POC1B: variants seen among roughly 807,000 people sequenced by gnomAD.
The protein encoded by POC1B is POC1 centriolar protein homolog B.
In POC1B, 44 loss-of-function variants were observed where a neutral mutation model predicts 60.6. The observed-to-expected ratio is 0.73, with a 90% CI of 0.57 to 0.93. The LOEUF (loss-of-function observed/expected upper bound fraction) is 0.93. Among genes scored for constraint, POC1B ranks in the 40% least tolerant of loss-of-function variants. The probability of loss-of-function intolerance (pLI) is 0.00; values close to 1 mark genes in which losing one functional copy is unlikely to be tolerated. For synonymous variants in POC1B, 180 were observed against 198.9 expected (o/e 0.90, Z 0.80); for missense variants, 555 against 572.3 (o/e 0.97, Z 0.31).
At chr12:89,480,892 G>A (rs1056140270) in intron 4 of POC1B, among the ~76,000 whole-genome samples, 3 of 152,038 alleles carry the variant, frequency 2.0e-5, no homozygotes, top group Non-Finnish European at 4.4e-5. Flanking sequence ...GAGCCACCAC[G>A]CCCAGCCTAA....
At chr12:89,522,424 T>A in intron 2 of POC1B, 1 of 370,894 alleles carries the variant, frequency 2.7e-6, no homozygotes, top group Non-Finnish European at 4.8e-6. Flanking sequence ...TCATGAGTTT[T>A]GTTAAAAAGT....
At chr12:89,407,564 T>C in the POC1B span, among the ~76,000 whole-genome samples, 5 of 152,170 alleles carry the variant, frequency 3.3e-5, no homozygotes, top group East Asian at 3.9e-4. Context: ...TATTTAAATA[T>C]TGGCACCTAA....
At chr12:89,505,959 G>A (rs1869875464) in intron 2 of POC1B, among the ~76,000 whole-genome samples, 2 of 152,196 alleles carry the variant, frequency 1.3e-5, no homozygotes, top group South Asian at 4.1e-4. Context: ...GAGAGAAAAA[G>A]AGAAGATGCT....
chr12:89,415,605 T>C (rs965359485), downstream of POC1B, among the ~76,000 whole-genome samples: 5 of 150,636 alleles, frequency 3.3e-5, no homozygotes, highest in South Asian at 2.1e-4. Flanking sequence ...ATCGCGCCAC[T>C]GCACTCCAGC....
intron 4 of POC1B, among the ~76,000 whole-genome samples, chr12:89,473,666 G>GAAAAA (rs1163868772): frequency 3.2e-3 from 346 of 109,080 alleles, no homozygotes; most frequent in Admixed American, 3.4e-3. Flanking sequence ...CCTCAGAAAA[G>GAAAAA]AAAAAAAAAA....
chr12:89,525,736 G>A (rs1391930431), intron 1 of POC1B, 145 bp downstream of exon 1: 4 of 1,287,022 alleles, frequency 3.1e-6, no homozygotes, highest in Admixed American at 6.9e-5. Context: ...GTGAGATACG[G>A]ACGCCCCGGG....
intron 11 of POC1B, 85 bp from the exon 12 acceptor site, chr12:89,421,342 T>C: frequency 1.7e-6 from 2 of 1,160,720 alleles, no homozygotes; most frequent in East Asian, 5.2e-5. Context: ...GAAATCCTTT[T>C]AAGAACTGGG....
chr12:89,456,213 G>T (rs1168484995), intron 10 of POC1B, among the ~76,000 whole-genome samples: 3 of 152,138 alleles, frequency 2.0e-5, no homozygotes, highest in Non-Finnish European at 4.4e-5. Context: ...TAGAGGAGGG[G>T]TTTTGTCACA....
intron 10 of POC1B, among the ~76,000 whole-genome samples, chr12:89,449,507 A>G (rs1408404129): frequency 6.6e-6 from 1 of 152,190 alleles, no homozygotes; most frequent in East Asian, 1.9e-4. Flanking sequence ...ACAATAAATA[A>G]ATGAAAGAAA....
chr12:89,418,648 G>A (rs777364083), downstream of POC1B, among the ~76,000 whole-genome samples: 3 of 152,160 alleles, frequency 2.0e-5, no homozygotes, highest in Non-Finnish European at 4.4e-5. Flanking sequence ...GAAGTAGAGA[G>A]TGAGTTCTCA....
rs911441170 is a variant in POC1B at position 89,448,608 on chromosome 12, G to A, written c.1113+11030C>T. 3.3e-5 allele frequency among the ~76,000 whole-genome samples: 5 copies of A among 152,294 alleles called. No individual in the cohort carries two copies. In the Middle Eastern group the frequency reaches 0.01, roughly 311 times the overall value. ...ACAAAGCCCTGCCAAGGGAGGTAAA[G>A]CCATTACATCATTATGAAAGAGAGT... On this transcript the variant is annotated intron_variant, in intron 10 of 11. Transcript: ENST00000313546.
rs767197083 is a variant in POC1B at position 89,471,719 on chromosome 12, A to C, written c.571T>G (p.Phe191Val). The C allele has an allele frequency of 1.3e-6, 2 of 1,579,894 alleles. No individual in the cohort carries two copies. Among genetic ancestry groups the C allele is most frequent in the Admixed American group, 3.8e-5 (2 of 52,278 alleles). The change falls in exon 6 of 12, where the codon TTT becomes GTT. Residue 191 changes from phenylalanine (F) to valine (V), a missense_variant. Coordinates refer to ENST00000313546, the MANE Select transcript of POC1B (RefSeq NM_172240.3). ...NFSDSVGFAN[F>V]VDFNPSGTCI... ...GTACCACTAGGGTTAAAGTCCACAAAATTTGCAAATCTAGGAGGAAAGAAT... is the reference window on the plus strand; with the variant it reads ...GTACCACTAGGGTTAAAGTCCACAACATTTGCAAATCTAGGAGGAAAGAAT...
intron 2 of POC1B, among the ~76,000 whole-genome samples, chr12:89,504,120 T>C (rs1214792878): frequency 6.6e-6 from 1 of 152,166 alleles, no homozygotes; most frequent in African/African-American, 2.4e-5. Context: ...CAACAGCTCA[T>C]TGAGAACGGG....
At chr12:89,432,697 G>A (rs1359274869) in intron 10 of POC1B, among the ~76,000 whole-genome samples, 1 of 152,200 alleles carries the variant, frequency 6.6e-6, no homozygotes, top group Non-Finnish European at 1.5e-5. Flanking sequence ...AAATTTTATG[G>A]AGAAGTGGTA....
At chr12:89,511,511 T>C (rs1455186658) in intron 2 of POC1B, among the ~76,000 whole-genome samples, 6 of 152,206 alleles carry the variant, frequency 3.9e-5, no homozygotes, top group Admixed American at 6.5e-5. Flanking sequence ...CTGTATTTTC[T>C]ACCTCCATTA....
chr12:89,438,050 C>CAAA (rs535891630), intron 10 of POC1B, among the ~76,000 whole-genome samples: 5 of 124,422 alleles, frequency 4.0e-5, no homozygotes, highest in African/African-American at 1.5e-4. Flanking sequence ...GAAACCGTCT[C>CAAA]AAAAAAAAAA....
chr12:89,510,800 C>T (rs1408182762), intron 2 of POC1B, among the ~76,000 whole-genome samples: 1 of 139,566 alleles, frequency 7.2e-6, no homozygotes, highest in Non-Finnish European at 1.5e-5. Flanking sequence ...TTCTGTCGCC[C>T]AGGCTAGAAT....
intron 2 of POC1B, among the ~76,000 whole-genome samples, chr12:89,503,410 C>T (rs1218455142): frequency 6.6e-6 from 1 of 152,272 alleles, no homozygotes; most frequent in Admixed American, 6.5e-5. Flanking sequence ...GTCTCATTCA[C>T]TCAGTGCTCA....
intron 2 of POC1B, chr12:89,524,447 A>AG (rs748584112): frequency 6.2e-7 from 1 of 1,613,858 alleles, no homozygotes; most frequent in Admixed American, 1.7e-5. Flanking sequence ...GCTCCTGCGG[A>AG]GGCATGAAAA....
Sources: allele counts gnomAD v4.1 joint callset (sites outside exome capture counted in the v4.1 genomes callset), GRCh38; gene constraint gnomAD v4.1.1; transcripts MANE v1.5; gene names NCBI Gene and HGNC (gene_info 2026-07-23, HGNC 2026-07-21).